The following SLC14A2 variants were observed in gnomAD, a reference collection of about 807,000 sequenced individuals.
The protein encoded by SLC14A2 is solute carrier family 14 member 2, also known as urea transporter 2.
In SLC14A2, 91 loss-of-function variants were observed where a neutral mutation model predicts 104.6. That is an observed-to-expected ratio of 0.87 (90% CI 0.73 to 1.04). The LOEUF (loss-of-function observed/expected upper bound fraction) is 1.04. Among genes scored for constraint, SLC14A2 ranks in the 50% least tolerant of loss-of-function variants. The probability of loss-of-function intolerance (pLI) is 0.00; values close to 1 mark genes in which losing one functional copy is unlikely to be tolerated. For missense variants in SLC14A2, 1,189 were observed against 1,156.0 expected (o/e 1.03, Z -0.41); for synonymous variants, 476 against 466.4 (o/e 1.02, Z -0.27).
intron 1 of SLC14A2, among the ~76,000 whole-genome samples, chr18:45,354,918 A>ATGTTTTGTTTTGTT (rs1009667869): frequency 2.0e-5 from 3 of 152,112 alleles, no homozygotes; most frequent in Admixed American, 2.0e-4. Context: ...TGCTAATTCT[A>ATGTTTTGTTTTGTT]TGTTTTGTTT....
At chr18:45,174,629 C>T in the SLC14A2 span, among the ~76,000 whole-genome samples, 1 of 152,128 alleles carries the variant, frequency 6.6e-6, no homozygotes, top group Non-Finnish European at 1.5e-5. Flanking sequence ...TACCCTTCTG[C>T]ACACACACGC....
chr18:45,277,217 G>A (rs933713601), intron 1 of SLC14A2, among the ~76,000 whole-genome samples: 68 of 151,928 alleles, frequency 4.5e-4, no homozygotes, highest in African/African-American at 1.5e-3. Context: ...GTATGACCTC[G>A]GACAAGTAAC....
At chr18:45,454,082 A>G (rs896075449) in intron 1 of SLC14A2, among the ~76,000 whole-genome samples, 1 of 151,112 alleles carries the variant, frequency 6.6e-6, no homozygotes, top group African/African-American at 2.4e-5. Flanking sequence ...CTGGTCTCCA[A>G]CTCCAGACTT....
At chr18:45,268,904 T>G (rs1385233962) in intron 1 of SLC14A2, among the ~76,000 whole-genome samples, 3 of 151,730 alleles carry the variant, frequency 2.0e-5, no homozygotes, top group Admixed American at 6.6e-5. Flanking sequence ...CAAGGGGAGT[T>G]CTGATCTGGG....
intron 2 of SLC14A2, among the ~76,000 whole-genome samples, chr18:45,593,571 G>A (rs945487642): frequency 3.8e-5 from 5 of 129,890 alleles, no homozygotes; most frequent in Non-Finnish European, 7.8e-5. Context: ...CTCACTGCAA[G>A]CTCTGCCTCC....
the SLC14A2 span, among the ~76,000 whole-genome samples, chr18:45,184,660 A>G: frequency 1.4e-5 from 2 of 141,774 alleles, no homozygotes; most frequent in Non-Finnish European, 2.9e-5. Context: ...AAAGTAAAGG[A>G]AAAAAATCAC....
At chr18:45,596,677 C>A (rs142235924) in intron 2 of SLC14A2, among the ~76,000 whole-genome samples, 1 of 152,338 alleles carries the variant, frequency 6.6e-6, no homozygotes, top group African/African-American at 2.4e-5. Context: ...CTCAAGAAAG[C>A]TTTGGTGCTA....
chr18:45,225,419 G>A (rs2144005336), intron 1 of SLC14A2, among the ~76,000 whole-genome samples: 1 of 152,240 alleles, frequency 6.6e-6, no homozygotes, highest in African/African-American at 2.4e-5. Context: ...TTGAAGTCAG[G>A]TAGCATGATG....
At chr18:45,405,272 A>G (rs1363839968) in intron 1 of SLC14A2, among the ~76,000 whole-genome samples, 1 of 152,194 alleles carries the variant, frequency 6.6e-6, no homozygotes, top group Non-Finnish European at 1.5e-5. Flanking sequence ...AAGCACAGGG[A>G]AAAGAACAGA....
rs756847698 is a variant in SLC14A2, at chr18:45,484,110, A to G, written c.-35+788A>G. ...AGCCAAAAGAGTTTTTGTCCAAATAATGGTTCAGAAACCCACCTGCCAATT... is the reference window on the plus strand; with the variant it reads ...AGCCAAAAGAGTTTTTGTCCAAATAGTGGTTCAGAAACCCACCTGCCAATT... On this transcript the variant is annotated intron_variant, in intron 2 of 20. Transcript: ENST00000586448. Among the ~76,000 whole-genome samples, 70 of 152,212 alleles carry G rather than the reference A, an allele frequency of 4.6e-4. 1 individual carries two copies. The highest frequency in any genetic ancestry group is 7.3e-5 in the Non-Finnish European group (5 of 68,040).
At chr18:45,320,963 C>T (rs902750437) in intron 1 of SLC14A2, among the ~76,000 whole-genome samples, 10 of 152,274 alleles carry the variant, frequency 6.6e-5, no homozygotes, top group Admixed American at 3.9e-4. Flanking sequence ...GGAAACTATG[C>T]GATTTCACAT....
At chr18:45,191,463 C>A in the SLC14A2 span, among the ~76,000 whole-genome samples, 1 of 152,240 alleles carries the variant, frequency 6.6e-6, no homozygotes, top group Non-Finnish European at 1.5e-5. Context: ...TGTATACATC[C>A]ATATAACAAT....
chr18:45,406,282 T>A (rs181673136), intron 1 of SLC14A2, among the ~76,000 whole-genome samples: 14 of 152,324 alleles, frequency 9.2e-5, no homozygotes, highest in Non-Finnish European at 1.9e-4. Flanking sequence ...CACTTTCTTT[T>A]CTCATTCATA....
intron 1 of SLC14A2, among the ~76,000 whole-genome samples, chr18:45,260,004 A>G (rs1246224412): frequency 3.3e-5 from 5 of 152,198 alleles, no homozygotes; most frequent in Non-Finnish European, 5.9e-5. Flanking sequence ...AGGGATGTCA[A>G]AAAGCTAACT....
At chr18:45,173,498 A>G in the SLC14A2 span, among the ~76,000 whole-genome samples, 2 of 151,992 alleles carry the variant, frequency 1.3e-5, no homozygotes, top group Admixed American at 6.6e-5. Flanking sequence ...AAAAAAAAAA[A>G]AGGAAAAACT....
chr18:45,373,358 T>G (rs2085742332), intron 1 of SLC14A2, among the ~76,000 whole-genome samples: 1 of 152,208 alleles, frequency 6.6e-6, no homozygotes, highest in Non-Finnish European at 1.5e-5. Context: ...ACTTCCAAGC[T>G]TCTTTCTTCT....
intron 1 of SLC14A2, among the ~76,000 whole-genome samples, chr18:45,406,472 A>T (rs2086155881): frequency 1.3e-5 from 2 of 152,164 alleles, no homozygotes; most frequent in Admixed American, 6.5e-5. Flanking sequence ...TGTCCTCCAA[A>T]CACCTGTTAA....
chr18:45,219,533 G>T (rs531347069), intron 1 of SLC14A2, among the ~76,000 whole-genome samples: 1 of 152,306 alleles, frequency 6.6e-6, no homozygotes, highest in East Asian at 1.9e-4. Flanking sequence ...TCAAAGCCAT[G>T]AGTAAAATAT....
chr18:45,338,680 C>T (rs1322124631), intron 1 of SLC14A2, among the ~76,000 whole-genome samples: 1 of 41,694 alleles, frequency 2.4e-5, no homozygotes, highest in Non-Finnish European at 3.8e-5. Flanking sequence ...CACACTGGCT[C>T]ACAAAAAAAA....
Sources: allele counts gnomAD v4.1 joint callset (sites outside exome capture counted in the v4.1 genomes callset), GRCh38; gene constraint gnomAD v4.1.1; transcripts MANE v1.5; gene names NCBI Gene and HGNC (gene_info 2026-07-23, HGNC 2026-07-21).